The following MAPKBP1 variants were observed in gnomAD, a reference collection of about 807,000 sequenced individuals.
MAPKBP1 encodes the protein mitogen-activated protein kinase binding protein 1, also known as mitogen-activated protein kinase-binding protein 1.
A neutral mutation model predicts 170.5 loss-of-function variants in MAPKBP1; 71 were observed. The ratio of observed to expected loss-of-function variants is 0.42; its 90% confidence interval spans 0.34 to 0.51. The LOEUF is 0.51. Among genes scored for constraint, MAPKBP1 ranks in the 20% least tolerant of loss-of-function variants. The pLI is 0.06. For synonymous variants in MAPKBP1, 719 were observed against 757.9 expected, an observed-to-expected ratio of 0.95 and a Z score of 0.84; for missense variants, 1,598 against 1,933.0, an observed-to-expected ratio of 0.83 and a Z score of 3.25.
intron 2 of MAPKBP1, among the ~76,000 whole-genome samples, chr15:41,786,185 T>G (rs1206778249): frequency 6.6e-6 from 1 of 152,184 alleles, no homozygotes; most frequent in African/African-American, 2.4e-5. Context: ...TATGTTAGTA[T>G]ATGCATACTA....
At chr15:41,793,120 C>G (rs1490121510) in intron 2 of MAPKBP1, among the ~76,000 whole-genome samples, 2 of 152,052 alleles carry the variant, frequency 1.3e-5, no homozygotes, top group Non-Finnish European at 2.9e-5. Context: ...AAAAGGTTTG[C>G]AAAAATGTAA....
Position 41,827,855 on chromosome 15 carries a change from A to G in MAPKBP1, c.*2419A>G. On this transcript the variant is annotated 3_prime_UTR_variant, in exon 31 of 31. Transcript: ENST00000457542. ...TGTCAATAAACACAATTGTTTGTTA[A>G]CCCTGGGATGCCGGCCAGTGGGGCA... The G allele has an allele frequency of 2.3e-6, 1 of 437,486 alleles. No homozygotes were observed. Among genetic ancestry groups the G allele is most frequent in the Non-Finnish European group, 4.0e-6 (1 of 249,176 alleles). The allele number at this position is 437,486 out of a possible 1,614,324, so 27.1% of individuals were successfully genotyped here.
At chr15:41,799,325 A>T (rs770397068) in intron 2 of MAPKBP1, among the ~76,000 whole-genome samples, 1 of 152,172 alleles carries the variant, frequency 6.6e-6, no homozygotes, top group Non-Finnish European at 1.5e-5. Context: ...GGGGAAGAAC[A>T]TGATAGAATG....
intron 10 of MAPKBP1, 127 bp from the exon 11 acceptor site, chr15:41,815,132 C>T (rs2064868036): frequency 9.0e-7 from 1 of 1,111,418 alleles, no homozygotes; most frequent in Admixed American, 1.9e-5. Context: ...TATGTATGGC[C>T]TGTGACAGGC....
chr15:41,806,923 C>G (rs56058296), intron 3 of MAPKBP1, among the ~76,000 whole-genome samples: 1 of 152,342 alleles, frequency 6.6e-6, no homozygotes, highest in Non-Finnish European at 1.5e-5. Context: ...GTCAAGCACA[C>G]AAGGAGCCCT....
chr15:41,818,491 T>C lies in MAPKBP1; in HGVS notation c.2093-28T>C, dbSNP rs1196959125. On this transcript the variant is annotated intron_variant, in intron 18 of 30. Transcript: ENST00000457542. The surrounding 1 kb of genome is among the most constrained non-coding windows in gnomAD (Gnocchi z 5.2). ...ACTTGGTTGGGAATTTAAGGTGGCT[T>C]ATAGACCGTATTCTTTGTTCTTCAC... 7 of 1,605,346 alleles carry C rather than the reference T, an allele frequency of 4.4e-6. No homozygotes were observed. The Admixed American group carries it at 8.4e-5, about 19-fold the overall frequency.
At chr15:41,806,427 G>T (rs1249679219) in intron 3 of MAPKBP1, among the ~76,000 whole-genome samples, 1 of 152,196 alleles carries the variant, frequency 6.6e-6, no homozygotes, top group Non-Finnish European at 1.5e-5. Flanking sequence ...CCCTGTGTCT[G>T]TGCTGCCCCA....
At chr15:41,809,085 A>AG (rs2064756964) in intron 3 of MAPKBP1, among the ~76,000 whole-genome samples, 1 of 151,212 alleles carries the variant, frequency 6.6e-6, no homozygotes, top group Admixed American at 6.6e-5. Flanking sequence ...AAAAAAAAAA[A>AG]AAAAATGAAG....
intron 2 of MAPKBP1, among the ~76,000 whole-genome samples, chr15:41,788,614 A>C (rs893292487): frequency 6.6e-6 from 1 of 152,208 alleles, no homozygotes; most frequent in African/African-American, 2.4e-5. Flanking sequence ...GTGGAAGGGA[A>C]GGTTAGAAGA....
At chr15:41,812,864 T>C in intron 7 of MAPKBP1, 55 bp from the exon 8 acceptor site, 1 of 1,539,278 alleles carries the variant, frequency 6.5e-7, no homozygotes, top group Non-Finnish European at 8.7e-7. Context: ...AGGGCCCAGT[T>C]TCCAGGGGCA....
intron 3 of MAPKBP1, chr15:41,810,655 C>T (rs2064787997): frequency 2.0e-6 from 1 of 497,804 alleles, no homozygotes. Context: ...CAAGTTGAGG[C>T]TGCACTGAGC....
In MAPKBP1 at chr15:41,817,494, A is replaced by C; in HGVS notation, c.1782+36A>C. 13 of 644,666 alleles carry C rather than the reference A, an allele frequency of 2.0e-5. No individual in the cohort carries two copies. Among genetic ancestry groups the C allele is most frequent in the Non-Finnish European group, 3.0e-5 (11 of 362,064 alleles). The allele number at this position is 644,666 out of a possible 1,614,324, so 39.9% of individuals were successfully genotyped here. ...TGGGCTTTCCTGAGAGGGGCGGGAC[A>C]GGGCGGGGTCTGCCATTCCCTGCCT... On this transcript the variant is annotated intron_variant, in intron 15 of 30. Transcript: ENST00000457542. The surrounding 1 kb of genome is among the most constrained non-coding windows in gnomAD (Gnocchi z 4.2).
intron 3 of MAPKBP1, among the ~76,000 whole-genome samples, chr15:41,804,625 G>C (rs753486777): frequency 6.6e-6 from 1 of 152,228 alleles, no homozygotes; most frequent in Non-Finnish European, 1.5e-5. Flanking sequence ...CTGGACTCCA[G>C]GCCTGGCCTT....
Position 41,818,647 on chromosome 15 carries a change from TC to T in MAPKBP1, c.2156+66del, listed in dbSNP as rs1449348569. ...TCTGCCACAGCACCCTGCCCTCCCC[TC>T]TCTCCATTTCAGTGATGTCTCTGGG... On this transcript the variant is annotated intron_variant, in intron 19 of 30. Coordinates refer to ENST00000457542, the MANE Select transcript of MAPKBP1 (RefSeq NM_014994.3). The surrounding 1 kb of genome is among the most constrained non-coding windows in gnomAD (Gnocchi z 5.2). The T allele has an allele frequency of 6.5e-7, 1 of 1,530,834 alleles. No homozygotes were observed. Among genetic ancestry groups the T allele is most frequent in the African/African-American group, 1.4e-5 (1 of 72,776 alleles). The allele number at this position is 1,530,834 out of a possible 1,614,324, so 94.8% of individuals were successfully genotyped here.
rs374518727 is a variant in MAPKBP1, at chr15:41,818,499, G to C, written c.2093-20G>C. The stretch of plus-strand genomic sequence containing the variant: ...GGGAATTTAAGGTGGCTTATAGACC[G>C]TATTCTTTGTTCTTCACAGAGATTG... On this transcript the variant is annotated intron_variant, in intron 18 of 30. Coordinates refer to ENST00000457542, the MANE Select transcript of MAPKBP1 (RefSeq NM_014994.3). This position sits in a 1 kb window ranked among gnomAD's most constrained non-coding sequence, Gnocchi z 5.2. The C allele has an allele frequency of 5.6e-6, 9 of 1,606,712 alleles. No homozygotes were observed. The South Asian group carries it at 1.0e-4, about 18-fold the overall frequency.
At position 41,814,908 on chromosome 15, in the gene MAPKBP1, T is replaced by C. The variant is rs561366395; in HGVS notation, c.1170+169T>C. Among the ~76,000 whole-genome samples the C allele has an allele frequency of 6.6e-5, 10 of 152,086 alleles. No individual in the cohort carries two copies. The South Asian group carries it at 2.1e-3, about 32-fold the overall frequency. On this transcript the variant is annotated intron_variant, in intron 10 of 30. Coordinates refer to ENST00000457542, the MANE Select transcript of MAPKBP1 (RefSeq NM_014994.3). The stretch of plus-strand genomic sequence containing the variant: ...GGGACTGAGTTTGAATGTTACAGGC[T>C]TCCCCAGTGTGCCCCATCCTTAGTT...
In MAPKBP1 at chr15:41,825,717, G is replaced by A. The variant is rs370196318; in HGVS notation, c.*281G>A. 7.5e-5 allele frequency: 28 copies of A among 370,972 alleles called. No individual in the cohort carries two copies. The East Asian group carries it at 1.2e-3, about 16-fold the overall frequency. The allele number at this position is 370,972 out of a possible 1,614,324, so 23.0% of individuals were successfully genotyped here. A position where few individuals can be genotyped will look rare whatever the true frequency, so the allele number is the denominator to read the frequency against. Reference sequence around the variant, plus strand: ...ATCTTGGTGCTGTGAGAGGTAGGAGGGCAGCCTGCCCCATCTAGGAATCTG... The same window carrying A: ...ATCTTGGTGCTGTGAGAGGTAGGAGAGCAGCCTGCCCCATCTAGGAATCTG... On this transcript the variant is annotated 3_prime_UTR_variant, in exon 31 of 31. Transcript: ENST00000457542.
chr15:41,817,995 T>C lies in MAPKBP1; in HGVS notation c.1905-14T>C. On this transcript the variant is annotated splice_polypyrimidine_tract_variant and intron_variant, in intron 16 of 30. Coordinates refer to ENST00000457542, the MANE Select transcript of MAPKBP1 (RefSeq NM_014994.3). The surrounding 1 kb of genome is among the most constrained non-coding windows in gnomAD (Gnocchi z 4.2). ...CACCGCCTCCTCATGAGAAAGAGAC[T>C]ATGTTTCTTACAGGATATTTAACAT... The C allele has an allele frequency of 6.2e-7, 1 of 1,613,092 alleles. No homozygotes were observed. The highest frequency in any genetic ancestry group is 1.1e-5 in the South Asian group (1 of 91,050).
chr15:41,816,157 C>A, intron 12 of MAPKBP1: 1 of 322,116 alleles, frequency 3.1e-6, no homozygotes. Flanking sequence ...TCTTCAAAAA[C>A]GTCAAGATCA....
Sources: gnomAD v4.1 joint callset for allele counts (sites outside exome capture counted in the v4.1 genomes callset) on GRCh38, gnomAD v4.1.1 for gene constraint, Gnocchi (gnomAD v3.1) non-coding constraint, MANE v1.5 for transcripts, NCBI Gene and HGNC (gene_info 2026-07-23, HGNC 2026-07-21) for gene names.